MCFD2: variants seen among roughly 807,000 people sequenced by gnomAD.
The protein encoded by MCFD2 is multiple coagulation factor deficiency 2, ER cargo receptor complex subunit.
MCFD2 carries 11 observed loss-of-function variants against 12.8 expected under a neutral mutation model. That is an observed-to-expected ratio of 0.86 (90% CI 0.54 to 1.42). The LOEUF (loss-of-function observed/expected upper bound fraction) is 1.42. Among genes scored for constraint, MCFD2 ranks in the 40% most tolerant of loss-of-function variants. MCFD2 has a pLI of 0.00. For synonymous variants in MCFD2, 70 were observed against 68.1 expected (o/e 1.03, Z -0.14); for missense variants, 191 against 178.6 (o/e 1.07, Z -0.40).
intron 1 of MCFD2, among the ~76,000 whole-genome samples, chr2:46,922,722 C>T (rs924439613): frequency 2.0e-5 from 3 of 152,110 alleles, no homozygotes; most frequent in African/African-American, 4.8e-5. Context: ...GACATCTCTA[C>T]CAAAATGTGG....
At position 46,904,577 on chromosome 2, in the gene MCFD2, G is replaced by A. The variant is rs560373576; in HGVS notation, c.*886C>T. 1 of 152,304 alleles carries A rather than the reference G, an allele frequency of 6.6e-6. No individual in the cohort carries two copies. Among genetic ancestry groups the A allele is most frequent in the South Asian group, 2.1e-4 (1 of 4,824 alleles). The allele number at this position is 152,304 out of a possible 1,614,324, so 9.4% of individuals were successfully genotyped here. On this transcript the variant is annotated 3_prime_UTR_variant, in exon 4 of 4. Transcript: ENST00000319466. The stretch of plus-strand genomic sequence containing the variant: ...AACTTTAAAATTTGACAGCCCTGCT[G>A]GATTTCGGACTTGCATGGGCCCTGT...
At position 46,908,594 on chromosome 2, in the gene MCFD2, G is replaced by C. The variant is rs78965568; in HGVS notation, c.149+429C>G. ...AACAAAGGATAACCGAGTATAATGCGTGAGGCTAACTGGCCCAAGACAAAA... is the reference window on the plus strand; with the variant it reads ...AACAAAGGATAACCGAGTATAATGCCTGAGGCTAACTGGCCCAAGACAAAA... On this transcript the variant is annotated intron_variant, in intron 2 of 3. Coordinates refer to ENST00000319466, the MANE Select transcript of MCFD2 (RefSeq NM_139279.6). This position sits in a 1 kb window ranked among gnomAD's most constrained non-coding sequence, Gnocchi z 4.5. The C allele has an allele frequency of 9.8e-6, 3 of 306,196 alleles. No individual in the cohort carries two copies. Among genetic ancestry groups the C allele is most frequent in the South Asian group, 3.0e-5 (1 of 33,878 alleles). The allele number at this position is 306,196 out of a possible 1,614,324, so 19.0% of individuals were successfully genotyped here.
chr2:46,931,685 C>G (rs982105434), intron 1 of MCFD2, among the ~76,000 whole-genome samples: 1 of 122,986 alleles, frequency 8.1e-6, no homozygotes, highest in African/African-American at 3.8e-5. Context: ...AAAACAAAAA[C>G]AGACAATAAT....
chr2:46,907,813 C>T lies in MCFD2; in HGVS notation c.306G>A (p.Lys102=). 6.2e-7 allele frequency: 1 copy of T among 1,614,172 alleles called. No homozygotes were observed. The highest frequency in any genetic ancestry group is 1.1e-5 in the South Asian group (1 of 91,080). ...ELSTAITHVH[K]EEGSEQAPLM... ...CCCAAGCCACTGCCAGACCTACCTCCTTATGGACATGAGTGATGGCTGTGG... is the reference window on the plus strand; with the variant it reads ...CCCAAGCCACTGCCAGACCTACCTCTTTATGGACATGAGTGATGGCTGTGG... The change falls in exon 3 of 4, where the codon AAG becomes AAA. Residue 102 remains lysine (K), a synonymous_variant. Transcript: ENST00000319466. The surrounding 1 kb of genome is among the most constrained non-coding windows in gnomAD (Gnocchi z 4.1).
At chr2:46,932,587 GAGAA>G (rs1029811874) in intron 1 of MCFD2, among the ~76,000 whole-genome samples, 2 of 149,014 alleles carry the variant, frequency 1.3e-5, no homozygotes, top group African/African-American at 2.6e-5. Flanking sequence ...AGAAAAGAAA[GAGAA>G]AGAAAGATTA....
intron 1 of MCFD2, among the ~76,000 whole-genome samples, chr2:46,926,318 GGA>G (rs1669381574): frequency 6.6e-6 from 1 of 152,206 alleles, no homozygotes; most frequent in African/African-American, 2.4e-5. Context: ...GCTAAACAGT[GGA>G]GATCGGAGTA....
At chr2:46,909,583 C>G (rs761874964) in intron 1 of MCFD2, among the ~76,000 whole-genome samples, 6 of 152,206 alleles carry the variant, frequency 3.9e-5, no homozygotes, top group Non-Finnish European at 7.3e-5. Flanking sequence ...GGGAAGAAAT[C>G]TCCTCCGAGT....
chr2:46,917,348 C>T (rs976181848), upstream of MCFD2: 5 of 602,252 alleles, frequency 8.3e-6, no homozygotes, highest in Middle Eastern at 7.6e-4. Context: ...ACCCATTCTT[C>T]TTTCCTTACT....
rs1435020417 is a variant in MCFD2, at chr2:46,937,942, G to C, written c.-8+3630C>G. The stretch of plus-strand genomic sequence containing the variant: ...CTACTGTGTATATATATGTAAAAGA[G>C]AGAAGTCTGATGGAGACTTCAGGGC... On this transcript the variant is annotated intron_variant, in intron 1 of 2. Transcript: ENST00000409147. The surrounding 1 kb of genome is among the most constrained non-coding windows in gnomAD (Gnocchi z 4.0). Among the ~76,000 whole-genome samples the C allele has an allele frequency of 6.6e-6, 1 of 152,138 alleles. No homozygotes were observed. Among genetic ancestry groups the C allele is most frequent in the Non-Finnish European group, 1.5e-5 (1 of 68,024 alleles).
rs1668076912 is a variant in MCFD2 at position 46,903,084 on chromosome 2, C to T, written c.*2379G>A. On this transcript the variant is annotated 3_prime_UTR_variant, in exon 4 of 4. Coordinates refer to ENST00000319466, the MANE Select transcript of MCFD2 (RefSeq NM_139279.6). ...ATTCCCACGTGTTGTGGGACAGACC[C>T]AGGGGGAGGTAATTGAATCATGGGG... The T allele has an allele frequency of 6.6e-6, 1 of 152,206 alleles. No homozygotes were observed. The allele number at this position is 152,206 out of a possible 1,614,324, so 9.4% of individuals were successfully genotyped here.
chr2:46,932,722 G>A (rs1669772435), intron 1 of MCFD2, among the ~76,000 whole-genome samples: 2 of 151,558 alleles, frequency 1.3e-5, no homozygotes, highest in Non-Finnish European at 2.9e-5. Flanking sequence ...CCAACAAGGT[G>A]AAACCCCATC....
chr2:46,941,794 C>G lies in MCFD2; in HGVS notation c.-230G>C. On this transcript the variant is annotated 5_prime_UTR_variant, in exon 1 of 3. Coordinates refer to the MCFD2 transcript ENST00000409147. The surrounding 1 kb of genome is among the most constrained non-coding windows in gnomAD (Gnocchi z 4.2). ...AACGCACCGCCTCCTCCAGGAAGCG[C>G]GCCCAGACAGTCCTCGGCCGACAGC... 6.5e-7 allele frequency: 1 copy of G among 1,534,712 alleles called. No individual in the cohort carries two copies. Among genetic ancestry groups the G allele is most frequent in the South Asian group, 1.2e-5 (1 of 83,132 alleles).
At chr2:46,936,910 A>G (rs1212595118) in intron 1 of MCFD2, among the ~76,000 whole-genome samples, 1 of 149,846 alleles carries the variant, frequency 6.7e-6, no homozygotes, top group East Asian at 2.0e-4. Context: ...GCTGGAGTGC[A>G]GTGGCACGAT....
chr2:46,912,802 T>TG (rs1668538412), intron 1 of MCFD2: 1 of 152,254 alleles, frequency 6.6e-6, no homozygotes, highest in Admixed American at 6.5e-5. Flanking sequence ...TCAGGCACAG[T>TG]GCCTGGAACA....
chr2:46,939,169 T>G (rs980393397), intron 1 of MCFD2, among the ~76,000 whole-genome samples: 3 of 152,156 alleles, frequency 2.0e-5, no homozygotes, highest in African/African-American at 7.2e-5. Context: ...TTACTGATAC[T>G]CTACAGGAGC....
chr2:46,926,209 C>G (rs1273634773), intron 1 of MCFD2, among the ~76,000 whole-genome samples: 1 of 152,186 alleles, frequency 6.6e-6, no homozygotes, highest in Non-Finnish European at 1.5e-5. Context: ...GCCTTACCAT[C>G]TCCTCAGAGT....
At chr2:46,905,685 C>T (rs1441444487) in intron 3 of MCFD2, 91 bp from the exon 4 acceptor site, 1 of 807,242 alleles carries the variant, frequency 1.2e-6, no homozygotes, top group Non-Finnish European at 2.0e-6. Context: ...TCTTTCATGG[C>T]ACTGTTTATT....
rs1038052550 is a variant in MCFD2, at chr2:46,941,795, G to A, written c.-231C>T. 8 of 1,533,038 alleles carry A rather than the reference G, an allele frequency of 5.2e-6. No individual in the cohort carries two copies. The highest frequency in any genetic ancestry group is 1.4e-5 in the African/African-American group (1 of 72,568). 95.0% of individuals were successfully genotyped at this position (1,533,038 alleles called of 1,614,324 possible). On this transcript the variant is annotated 5_prime_UTR_variant, in exon 1 of 3. Coordinates refer to the MCFD2 transcript ENST00000409147. This position sits in a 1 kb window ranked among gnomAD's most constrained non-coding sequence, Gnocchi z 4.2. ...ACGCACCGCCTCCTCCAGGAAGCGCGCCCAGACAGTCCTCGGCCGACAGCG... is the reference window on the plus strand; with the variant it reads ...ACGCACCGCCTCCTCCAGGAAGCGCACCCAGACAGTCCTCGGCCGACAGCG...
intron 1 of MCFD2, among the ~76,000 whole-genome samples, chr2:46,929,389 A>C (rs2103834314): frequency 6.6e-6 from 1 of 152,164 alleles, no homozygotes; most frequent in South Asian, 2.1e-4. Flanking sequence ...TGGGAGGCTG[A>C]GGCAGGATTG....
Sources: allele counts gnomAD v4.1 joint callset (sites outside exome capture counted in the v4.1 genomes callset), GRCh38; gene constraint gnomAD v4.1.1; non-coding constraint Gnocchi (gnomAD v3.1); transcripts MANE v1.5; gene names NCBI Gene and HGNC (gene_info 2026-07-23, HGNC 2026-07-21).